TRAF7: variants seen among roughly 807,000 people sequenced by gnomAD.
The protein encoded by TRAF7 is E3 ubiquitin-protein ligase TRAF7.
TRAF7 carries 45 observed loss-of-function variants against 89.3 expected under a neutral mutation model. That is an observed-to-expected ratio of 0.50 (90% CI 0.40 to 0.65). The LOEUF (loss-of-function observed/expected upper bound fraction) is 0.65, where lower values mean the gene tolerates loss of function less well. TRAF7 is among the 30% of genes least tolerant of loss of function. The probability of loss-of-function intolerance (pLI) is 0.00; values close to 1 mark genes in which losing one functional copy is unlikely to be tolerated. For synonymous variants in TRAF7, 406 were observed against 369.2 expected (o/e 1.10, Z -1.14); for missense variants, 677 against 918.1 (o/e 0.74, Z 3.39).
At position 2,158,459 on chromosome 16, in the gene TRAF7, G is replaced by T. The variant is rs1200632797; in HGVS notation, c.-39+2601G>T. Among the ~76,000 whole-genome samples the T allele has an allele frequency of 2.0e-5, 3 of 152,190 alleles. No homozygotes were observed. Among genetic ancestry groups the T allele is most frequent in the Admixed American group, 6.5e-5 (1 of 15,288 alleles). On this transcript the variant is annotated intron_variant, in intron 1 of 20. Coordinates refer to ENST00000326181, the MANE Select transcript of TRAF7 (RefSeq NM_032271.3). This position sits in a 1 kb window ranked among gnomAD's most constrained non-coding sequence, Gnocchi z 4.7. The stretch of plus-strand genomic sequence containing the variant: ...CTGCCTGGAAACTCGGGGTGGAGGT[G>T]ACCCAACCCCAGAAGCACCCAGGTG...
intron 2 of TRAF7, among the ~76,000 whole-genome samples, 177 bp downstream of exon 2, chr16:2,164,178 G>GCGCA (rs1302430108): frequency 1.5e-5 from 2 of 131,272 alleles, no homozygotes; most frequent in East Asian, 2.3e-4. Context: ...GCGCGCGCGC[G>GCGCA]CGCACGCGTG....
In TRAF7 at chr16:2,162,001, C is replaced by T. The variant is rs1043953250; in HGVS notation, c.-38-1882C>T. On this transcript the variant is annotated intron_variant, in intron 1 of 20. Coordinates refer to ENST00000326181, the MANE Select transcript of TRAF7 (RefSeq NM_032271.3). The surrounding 1 kb of genome is among the most constrained non-coding windows in gnomAD (Gnocchi z 5.0). The stretch of plus-strand genomic sequence containing the variant: ...AGTCCCCCGAGAGCCTAGTCTGGGT[C>T]ACACAGGGCCAAGCCCCTCGAGTCG... 6.6e-6 allele frequency among the ~76,000 whole-genome samples: 1 copy of T among 152,202 alleles called. No homozygotes were observed. Among genetic ancestry groups the T allele is most frequent in the Non-Finnish European group, 1.5e-5 (1 of 68,024 alleles).
At chr16:2,176,004 C>A (rs200407806) in intron 18 of TRAF7, 45 bp from the exon 19 acceptor site, 3 of 1,610,736 alleles carry the variant, frequency 1.9e-6, no homozygotes, top group Non-Finnish European at 2.5e-6. Context: ...CCGTCTCCCC[C>A]GCCTTGCTCA....
rs1386833224 is a variant in TRAF7 at position 2,173,213 on chromosome 16, G to C, written c.826G>C (p.Glu276Gln). ...CTFIGNQDTY[E>Q]THLETCRFEG... Reference sequence around the variant, plus strand: ...GTTCATCGGGAACCAGGACACTTACGAGACCCACCTGGAGACTTGCCGCTT... The same window carrying C: ...GTTCATCGGGAACCAGGACACTTACCAGACCCACCTGGAGACTTGCCGCTT... Residue 276 changes from glutamate (E) to glutamine (Q), a missense_variant, in exon 10 of 21, where the codon GAG (glutamate) becomes CAG (glutamine). Transcript: ENST00000326181. 6.2e-7 allele frequency: 1 copy of C among 1,611,814 alleles called. No homozygotes were observed. Among genetic ancestry groups the C allele is most frequent in the Admixed American group, 1.7e-5 (1 of 59,898 alleles).
In TRAF7 at chr16:2,173,779, G is replaced by GC; in HGVS notation, c.1087-6dup. On this transcript the variant is annotated splice_polypyrimidine_tract_variant and intron_variant, in intron 11 of 20. Coordinates refer to ENST00000326181, the MANE Select transcript of TRAF7 (RefSeq NM_032271.3). The stretch of plus-strand genomic sequence containing the variant: ...CCACCTGCCCTCTGCCCTGCCCTTG[G>GC]CCCTGCAGGACGAGCTGTCCCACAT... 1 of 1,610,368 alleles carries GC rather than the reference G, an allele frequency of 6.2e-7. No homozygotes were observed. The highest frequency in any genetic ancestry group is 8.5e-7 in the Non-Finnish European group (1 of 1,179,750).
rs545649326 is a variant in TRAF7, at chr16:2,176,702, C to T, written c.*128C>T. The T allele has an allele frequency of 5.0e-4, 688 of 1,381,108 alleles. 4 individuals are homozygous for T. In the African/African-American group the frequency reaches 8.3e-3, roughly 17 times the overall value. 85.6% of individuals were successfully genotyped at this position (1,381,108 alleles called of 1,614,324 possible). A position where few individuals can be genotyped will look rare whatever the true frequency, so the allele number is the denominator to read the frequency against. ...GCATAGGTGGACAGGCTCTGGCAGC[C>T]GGGCAGTGCCCTCCCCGTCCCATGC... On this transcript the variant is annotated 3_prime_UTR_variant, in exon 21 of 21. Transcript: ENST00000326181.
intron 1 of TRAF7, 143 bp downstream of exon 1, chr16:2,156,001 A>G (rs1596663081): frequency 8.3e-6 from 1 of 121,088 alleles, no homozygotes; most frequent in Non-Finnish European, 1.8e-5. Flanking sequence ...CGGGGCTGAG[A>G]CGGTCGGGGT....
rs184866855 is a variant in TRAF7 at position 2,167,254 on chromosome 16, G to A, written c.140-823G>A. Among the ~76,000 whole-genome samples the A allele has an allele frequency of 6.0e-3, 912 of 152,286 alleles. 4 individuals are homozygous for A. The highest frequency in any genetic ancestry group is 9.1e-3 in the Non-Finnish European group (621 of 68,004). Reference sequence around the variant, plus strand: ...GATGGGCAGAGCCAGGCAGCAGGGCGCCCACAGGTACCTCACCTGGCCCCT... The same window carrying A: ...GATGGGCAGAGCCAGGCAGCAGGGCACCCACAGGTACCTCACCTGGCCCCT... On this transcript the variant is annotated intron_variant, in intron 3 of 20. Transcript: ENST00000326181.
In TRAF7 at chr16:2,163,773, C is replaced by T. The variant is rs774460273; in HGVS notation, c.-38-110C>T. 80 of 720,272 alleles carry T rather than the reference C, an allele frequency of 1.1e-4. No homozygotes were observed. Among genetic ancestry groups the T allele is most frequent in the Non-Finnish European group, 1.1e-4 (47 of 414,642 alleles). 44.6% of individuals were successfully genotyped at this position (720,272 alleles called of 1,614,324 possible). A position where few individuals can be genotyped will look rare whatever the true frequency, so the allele number is the denominator to read the frequency against. On this transcript the variant is annotated intron_variant, in intron 1 of 20. Coordinates refer to ENST00000326181, the MANE Select transcript of TRAF7 (RefSeq NM_032271.3). This position sits in a 1 kb window ranked among gnomAD's most constrained non-coding sequence, Gnocchi z 4.3. Reference sequence around the variant, plus strand: ...CGGGGCTGGTGGTGGAAGGCTGCTGCGGCGGCCCCACGGTGCCCCACAGCA... The same window carrying T: ...CGGGGCTGGTGGTGGAAGGCTGCTGTGGCGGCCCCACGGTGCCCCACAGCA...
At position 2,159,557 on chromosome 16, in the gene TRAF7, C is replaced by T. The variant is rs182592815; in HGVS notation, c.-39+3699C>T. On this transcript the variant is annotated intron_variant, in intron 1 of 20. Coordinates refer to ENST00000326181, the MANE Select transcript of TRAF7 (RefSeq NM_032271.3). This position sits in a 1 kb window ranked among gnomAD's most constrained non-coding sequence, Gnocchi z 6.5. ...CTGGGCTTGGGCCAGGGGGCTGAGG[C>T]AGGGGCTGGGCTGGGGCGGGCAGTC... is the stretch of plus-strand genomic sequence containing the variant. 2.2e-4 allele frequency among the ~76,000 whole-genome samples: 33 copies of T among 152,298 alleles called. No individual in the cohort carries two copies. Among genetic ancestry groups the T allele is most frequent in the African/African-American group, 7.2e-4 (30 of 41,556 alleles).
In TRAF7 at chr16:2,172,474, G is replaced by A. The variant is rs772902058; in HGVS notation, c.669G>A (p.Glu223=). 5 of 1,610,060 alleles carry A rather than the reference G, an allele frequency of 3.1e-6. No individual in the cohort carries two copies. Among genetic ancestry groups the A allele is most frequent in the Non-Finnish European group, 3.4e-6 (4 of 1,179,072 alleles). Residue 223 remains glutamate (E), a synonymous_variant, in exon 9 of 21, where the codon GAG becomes GAA. Transcript: ENST00000326181. The stretch of plus-strand genomic sequence containing the variant: ...TCCCGCCCTGGCACAGGGACCACGA[G>A]GGCAGCTGTGACTACAGGCCTGTGC... ...TIKLSARKDH[E]GSCDYRPVRC...
Position 2,158,768 on chromosome 16 carries a change from C to CGGG in TRAF7, c.-39+2921_-39+2923dup, listed in dbSNP as rs71148123. 3.9e-5 allele frequency among the ~76,000 whole-genome samples: 2 copies of CGGG among 50,912 alleles called. No individual in the cohort carries two copies. Among genetic ancestry groups the CGGG allele is most frequent in the South Asian group, 7.3e-4 (1 of 1,366 alleles). 33.4% of individuals were successfully genotyped at this position (50,912 alleles called of 152,430 possible). On this transcript the variant is annotated intron_variant, in intron 1 of 20. Coordinates refer to ENST00000326181, the MANE Select transcript of TRAF7 (RefSeq NM_032271.3). This position sits in a 1 kb window ranked among gnomAD's most constrained non-coding sequence, Gnocchi z 4.7. The stretch of plus-strand genomic sequence containing the variant: ...GTGGGACTGGGAAGCGTGGGCTCGG[C>CGGG]GGGGGGGGGGGGGACACTGCCACCC...
At chr16:2,173,866 C>CA in intron 12 of TRAF7, 30 bp downstream of exon 12, 1 of 1,329,522 alleles carries the variant, frequency 7.5e-7, no homozygotes, top group Non-Finnish European at 1.1e-6. Context: ...GGCTCCCGCC[C>CA]ACCCTCCCCC....
chr16:2,177,176 C>CG lies in TRAF7; in HGVS notation c.*602_*603insG. ...ATGTGCCCCCAAAAAGTGAGCCAGG[C>CG]ACCTCTGTTTCCTGCTGTTTATTGA... On this transcript the variant is annotated 3_prime_UTR_variant, in exon 21 of 21. Transcript: ENST00000326181. The CG allele has an allele frequency of 4.1e-6, 1 of 246,636 alleles. No individual in the cohort carries two copies. The highest frequency in any genetic ancestry group is 8.0e-6 in the Non-Finnish European group (1 of 124,664). The allele number at this position is 246,636 out of a possible 1,614,324, so 15.3% of individuals were successfully genotyped here. A position where few individuals can be genotyped will look rare whatever the true frequency, so the allele number is the denominator to read the frequency against.
chr16:2,157,271 C>T (rs1022054798), intron 1 of TRAF7, among the ~76,000 whole-genome samples: 5 of 152,096 alleles, frequency 3.3e-5, no homozygotes, highest in African/African-American at 1.2e-4. Flanking sequence ...CCTCGGGCCC[C>T]GTGTCCTGAG....
rs1019204449 is a variant in TRAF7, at chr16:2,161,151, C to T, written c.-38-2732C>T. Among the ~76,000 whole-genome samples, 12 of 151,904 alleles carry T rather than the reference C, an allele frequency of 7.9e-5. No individual in the cohort carries two copies. The highest frequency in any genetic ancestry group is 1.3e-4 in the Non-Finnish European group (9 of 67,920). ...GAACCCGAGTGAACTGGGAAGCAGC[C>T]TCCTGTGCAGAGTATCCCCCTCCTT... On this transcript the variant is annotated intron_variant, in intron 1 of 20. Transcript: ENST00000326181. The surrounding 1 kb of genome is among the most constrained non-coding windows in gnomAD (Gnocchi z 5.2).
intron 3 of TRAF7, among the ~76,000 whole-genome samples, chr16:2,167,014 G>C (rs1158487720): frequency 6.6e-6 from 1 of 152,172 alleles, no homozygotes; most frequent in African/African-American, 2.4e-5. Context: ...TGGGGTCATA[G>C]GGCCGCCAAG....
Position 2,176,042 on chromosome 16 carries a change from CT to C in TRAF7, c.1747-6del. Reference sequence around the variant, plus strand: ...GTCTTTGACCTGCCTGTGCCCACCCCTCCCAGGTGTGGGACATTGAGTCCAA... The same window carrying C: ...GTCTTTGACCTGCCTGTGCCCACCCCCCCAGGTGTGGGACATTGAGTCCAA... On this transcript the variant is annotated splice_polypyrimidine_tract_variant and splice_region_variant and intron_variant, in intron 18 of 20. Coordinates refer to ENST00000326181, the MANE Select transcript of TRAF7 (RefSeq NM_032271.3). 1 of 1,607,970 alleles carries C rather than the reference CT, an allele frequency of 6.2e-7. No individual in the cohort carries two copies. The highest frequency in any genetic ancestry group is 8.5e-7 in the Non-Finnish European group (1 of 1,176,490).
chr16:2,168,212 C>A lies in TRAF7; in HGVS notation c.231+44C>A. On this transcript the variant is annotated intron_variant, in intron 4 of 20. Transcript: ENST00000326181. This position sits in a 1 kb window ranked among gnomAD's most constrained non-coding sequence, Gnocchi z 4.1. Reference sequence around the variant, plus strand: ...GAGCCCGTGTGAGCCTCAGCCTCCCCCCATCCTCCCTCCTGGGGGAACCAG... The same window carrying A: ...GAGCCCGTGTGAGCCTCAGCCTCCCACCATCCTCCCTCCTGGGGGAACCAG... 1 of 1,530,602 alleles carries A rather than the reference C, an allele frequency of 6.5e-7. No homozygotes were observed. The allele number at this position is 1,530,602 out of a possible 1,614,324, so 94.8% of individuals were successfully genotyped here. A position where few individuals can be genotyped will look rare whatever the true frequency, so the allele number is the denominator to read the frequency against.
Sources: allele counts gnomAD v4.1 joint callset (sites outside exome capture counted in the v4.1 genomes callset), GRCh38; gene constraint gnomAD v4.1.1; non-coding constraint Gnocchi (gnomAD v3.1); transcripts MANE v1.5; gene names NCBI Gene and HGNC (gene_info 2026-07-23, HGNC 2026-07-21).